Variants in TBC1D22A observed in about 807,000 individuals in gnomAD.
TBC1D22A encodes putative GTPase activator.
A neutral mutation model predicts 60.2 loss-of-function variants in TBC1D22A; 38 were observed. The observed-to-expected ratio is 0.63, with a 90% CI of 0.49 to 0.83. The LOEUF is 0.83. Among genes scored for constraint, TBC1D22A ranks in the 40% least tolerant of loss-of-function variants. The pLI is 0.00. For synonymous variants in TBC1D22A, 302 were observed against 281.7 expected (o/e 1.07, Z -0.72); for missense variants, 628 against 701.0 (o/e 0.90, Z 1.18).
chr22:46,773,280 C>T (rs1225343904), intron 1 of TBC1D22A, among the ~76,000 whole-genome samples: 1 of 152,176 alleles, frequency 6.6e-6, no homozygotes, highest in South Asian at 2.1e-4. Context: ...CCGTGCTTGG[C>T]CCTGGGAGCA....
intron 4 of TBC1D22A, among the ~76,000 whole-genome samples, chr22:46,844,954 C>T (rs2086926276): frequency 6.6e-6 from 1 of 152,212 alleles, no homozygotes; most frequent in African/African-American, 2.4e-5. Context: ...GTTTCTAGGA[C>T]TTCTCCAACT....
chr22:47,117,266 C>G (rs1486474218), intron 12 of TBC1D22A: 1 of 163,306 alleles, frequency 6.1e-6, no homozygotes, highest in Non-Finnish European at 1.3e-5. Context: ...CCTCGGATTT[C>G]AAGAAGAAAA....
At chr22:46,894,404 A>G (rs964491697) in intron 6 of TBC1D22A, among the ~76,000 whole-genome samples, 4 of 152,260 alleles carry the variant, frequency 2.6e-5, no homozygotes, top group African/African-American at 9.6e-5. Context: ...AAGCTGTCAC[A>G]GCTGAAAACT....
chr22:46,849,115 A>T (rs1417454107), intron 4 of TBC1D22A, among the ~76,000 whole-genome samples: 2 of 152,224 alleles, frequency 1.3e-5, no homozygotes, highest in African/African-American at 4.8e-5. Context: ...GTGACGCTCT[A>T]GGCAGAGGGC....
At chr22:46,982,629 T>C (rs2074559063) in intron 9 of TBC1D22A, among the ~76,000 whole-genome samples, 1 of 152,212 alleles carries the variant, frequency 6.6e-6, no homozygotes, top group East Asian at 1.9e-4. Flanking sequence ...CAGCGAGTAA[T>C]GCCTGGAAAG....
At chr22:46,898,191 G>C (rs1026955900) in intron 7 of TBC1D22A, among the ~76,000 whole-genome samples, 4 of 152,092 alleles carry the variant, frequency 2.6e-5, no homozygotes, top group Admixed American at 6.6e-5. Context: ...GACCTCTCAG[G>C]CCTCTTGGTC....
chr22:46,915,199 G>T, intron 8 of TBC1D22A: 1 of 353,930 alleles, frequency 2.8e-6, no homozygotes, highest in Non-Finnish European at 5.6e-6. Context: ...TCTGGCAGCT[G>T]CGTGGATGAG....
rs142531539 is a variant in TBC1D22A, at chr22:47,094,383, C to T, written c.1330-17125C>T. On this transcript the variant is annotated intron_variant, in intron 11 of 12. Coordinates refer to ENST00000337137, the MANE Select transcript of TBC1D22A (RefSeq NM_014346.5). ...GTGACCCTCCATAATGTGCGTGGGT[C>T]TCATCCCATCCGTTGAAGGCCTTCA... Among the ~76,000 whole-genome samples the T allele has an allele frequency of 4.7e-3, 721 of 152,258 alleles. 4 individuals are homozygous for T. The highest frequency in any genetic ancestry group is 0.017 in the African/African-American group (700 of 41,550).
chr22:47,022,069 G>A (rs1025091987), intron 10 of TBC1D22A, among the ~76,000 whole-genome samples: 1 of 152,180 alleles, frequency 6.6e-6, no homozygotes. Context: ...AAAAATCACA[G>A]CCCCACAGTT....
At chr22:47,111,629 C>G in intron 12 of TBC1D22A, 26 bp downstream of exon 12, 1 of 1,594,788 alleles carries the variant, frequency 6.3e-7, no homozygotes, top group Admixed American at 1.7e-5. Context: ...TTCAAAAGAA[C>G]CCAAGTTTGA....
At chr22:46,965,297 G>A (rs558811408) in intron 8 of TBC1D22A, among the ~76,000 whole-genome samples, 1 of 152,232 alleles carries the variant, frequency 6.6e-6, no homozygotes, top group African/African-American at 2.4e-5. Context: ...TGACCTGTGG[G>A]GGCGGGGTGC....
At chr22:46,973,266 C>T (rs192302179) in intron 8 of TBC1D22A, among the ~76,000 whole-genome samples, 24 of 152,312 alleles carry the variant, frequency 1.6e-4, no homozygotes, top group African/African-American at 5.5e-4. Flanking sequence ...CCCCCCTCCC[C>T]ATGTGTACCA....
intron 4 of TBC1D22A, among the ~76,000 whole-genome samples, chr22:46,826,786 A>G (rs2086086541): frequency 6.6e-6 from 1 of 151,948 alleles, no homozygotes; most frequent in African/African-American, 2.4e-5. Flanking sequence ...ACAATCCCAT[A>G]GCACCCACGC....
intron 8 of TBC1D22A, among the ~76,000 whole-genome samples, chr22:46,951,271 T>G (rs1323240779): frequency 6.6e-6 from 1 of 152,220 alleles, no homozygotes; most frequent in Non-Finnish European, 1.5e-5. Flanking sequence ...GTATTTATAT[T>G]TAAATCATTA....
chr22:46,811,206 G>A (rs2085363283), intron 4 of TBC1D22A, among the ~76,000 whole-genome samples: 1 of 152,200 alleles, frequency 6.6e-6, no homozygotes, highest in Non-Finnish European at 1.5e-5. Context: ...GTGCCTGTCC[G>A]TGGCCTGGTC....
chr22:46,874,031 C>T (rs994923724), intron 4 of TBC1D22A, among the ~76,000 whole-genome samples: 1 of 152,258 alleles, frequency 6.6e-6, no homozygotes, highest in African/African-American at 2.4e-5. Flanking sequence ...AGGTTGGTCT[C>T]AATCTCCTGA....
At chr22:47,077,941 T>C (rs1400411899) in intron 11 of TBC1D22A, among the ~76,000 whole-genome samples, 1 of 152,234 alleles carries the variant, frequency 6.6e-6, no homozygotes, top group Non-Finnish European at 1.5e-5. Flanking sequence ...GTTTTCTTTT[T>C]CTGCTCTCCT....
chr22:47,019,638 G>A (rs1274443681), intron 10 of TBC1D22A, among the ~76,000 whole-genome samples: 1 of 151,976 alleles, frequency 6.6e-6, no homozygotes, highest in African/African-American at 2.4e-5. Context: ...TGGGGCATGT[G>A]GGATAGAGAC....
At chr22:47,114,125 C>T (rs1377802219) in intron 12 of TBC1D22A, among the ~76,000 whole-genome samples, 1 of 152,158 alleles carries the variant, frequency 6.6e-6, no homozygotes, top group Non-Finnish European at 1.5e-5. Flanking sequence ...TGCTCTGCTG[C>T]TATTAGAGGG....
Sources: allele counts gnomAD v4.1 joint callset (sites outside exome capture counted in the v4.1 genomes callset), GRCh38; gene constraint gnomAD v4.1.1; transcripts MANE v1.5; gene names NCBI Gene and HGNC (gene_info 2026-07-23, HGNC 2026-07-21).